LIMCH1: variants seen among roughly 807,000 people sequenced by gnomAD.
The protein encoded by LIMCH1 is LIM and calponin homology domains 1.
A neutral mutation model predicts 176.5 loss-of-function variants in LIMCH1; 113 were observed. The observed-to-expected ratio is 0.64, with a 90% CI of 0.55 to 0.75. The LOEUF (loss-of-function observed/expected upper bound fraction) is 0.75. LIMCH1 is among the 30% of genes least tolerant of loss of function. The pLI, the probability that LIMCH1 is intolerant of heterozygous loss-of-function variation, is 0.00. For synonymous variants in LIMCH1, 619 were observed against 645.9 expected (o/e 0.96, Z 0.63); for missense variants, 1,674 against 1,814.9 (o/e 0.92, Z 1.41).
At chr4:41,548,453 A>G (rs2079907475) in intron 1 of LIMCH1, among the ~76,000 whole-genome samples, 1 of 151,990 alleles carries the variant, frequency 6.6e-6, no homozygotes, top group African/African-American at 2.4e-5. Context: ...TACTAAACTA[A>G]TCTCTTTAGT....
intron 2 of LIMCH1, among the ~76,000 whole-genome samples, chr4:41,512,402 T>C (rs1215600554): frequency 6.6e-6 from 1 of 152,186 alleles, no homozygotes; most frequent in African/African-American, 2.4e-5. Context: ...TACTCCTAAG[T>C]ACATACCCAA....
At chr4:41,545,361 C>T (rs1193365659) in intron 1 of LIMCH1, among the ~76,000 whole-genome samples, 1 of 152,126 alleles carries the variant, frequency 6.6e-6, no homozygotes, top group Non-Finnish European at 1.5e-5. Context: ...TCTTTGAGTT[C>T]TGGATCTCCT....
At chr4:41,420,651 G>A (rs2060529551) in intron 1 of LIMCH1, among the ~76,000 whole-genome samples, 1 of 152,200 alleles carries the variant, frequency 6.6e-6, no homozygotes, top group Non-Finnish European at 1.5e-5. Flanking sequence ...GTGAGATGCA[G>A]GGACCTCTGA....
chr4:41,396,734 C>G (rs1291270894), intron 1 of LIMCH1, among the ~76,000 whole-genome samples: 3 of 151,904 alleles, frequency 2.0e-5, no homozygotes, highest in African/African-American at 7.3e-5. Context: ...AACCCTGTCC[C>G]TACTAAAAAT....
chr4:41,522,752 C>A (rs2076245606), intron 2 of LIMCH1, among the ~76,000 whole-genome samples: 1 of 152,084 alleles, frequency 6.6e-6, no homozygotes, highest in South Asian at 2.1e-4. Context: ...CTGGGGAAGT[C>A]ACTCAGACTT....
intron 7 of LIMCH1, among the ~76,000 whole-genome samples, chr4:41,622,838 G>A (rs1252640439): frequency 6.6e-6 from 1 of 152,198 alleles, no homozygotes; most frequent in African/African-American, 2.4e-5. Flanking sequence ...TTGCAGGTCA[G>A]TTAATGTCAT....
chr4:41,371,965 T>A (rs76258191), intron 1 of LIMCH1, among the ~76,000 whole-genome samples: 7,673 of 152,304 alleles, frequency 0.05, 648 homozygotes, highest in African/African-American at 0.17. Context: ...GTGAGATTTT[T>A]ATTAACACTT....
intron 1 of LIMCH1, among the ~76,000 whole-genome samples, chr4:41,456,593 G>T (rs2064635944): frequency 6.6e-6 from 1 of 151,934 alleles, no homozygotes; most frequent in Admixed American, 6.5e-5. Context: ...ATGGGCTGCT[G>T]CTTTATAACA....
intron 1 of LIMCH1, among the ~76,000 whole-genome samples, chr4:41,561,630 C>G (rs2082078556): frequency 6.6e-6 from 1 of 152,116 alleles, no homozygotes; most frequent in South Asian, 2.1e-4. Flanking sequence ...CTTTAAGTCT[C>G]TCTTGCTCTT....
rs552488595 is a variant in LIMCH1, at chr4:41,429,478, G to T, written c.97-65058G>T. ...TTGAGAGGTGCTGGCGACAACAATG[G>T]CATTTGGCAGCATGATGCTCTGTTC... On this transcript the variant is annotated intron_variant, in intron 1 of 26. Coordinates refer to the LIMCH1 transcript ENST00000313860. 5.7e-4 allele frequency among the ~76,000 whole-genome samples: 87 copies of T among 152,232 alleles called. 1 individual carries two copies. The highest frequency in any genetic ancestry group is 2.0e-3 in the African/African-American group (84 of 41,538).
intron 1 of LIMCH1, among the ~76,000 whole-genome samples, chr4:41,590,005 A>C (rs7439195): frequency 1.5e-3 from 225 of 152,172 alleles, no homozygotes; most frequent in African/African-American, 5.0e-3. Flanking sequence ...CTATCCCCAC[A>C]TCCACTCAAT....
intron 21 of LIMCH1, chr4:41,670,799 T>G: frequency 6.5e-7 from 1 of 1,535,890 alleles, no homozygotes; most frequent in Admixed American, 2.0e-5. Context: ...TCAGGTAAAC[T>G]GCATACTGGG....
At chr4:41,650,690 A>T (rs556503143) in intron 18 of LIMCH1, 82 bp downstream of exon 18, 6 of 1,158,342 alleles carry the variant, frequency 5.2e-6, no homozygotes, top group East Asian at 5.1e-5. Context: ...GTAGGTCATG[A>T]TAATGACCAT....
chr4:41,563,972 G>A lies in LIMCH1; in HGVS notation c.-241+25622G>A, dbSNP rs551222012. 2.0e-4 allele frequency among the ~76,000 whole-genome samples: 30 copies of A among 152,202 alleles called. No individual in the cohort carries two copies. The South Asian group carries it at 2.9e-3, about 15-fold the overall frequency. ...TCTCCATCCTAGAGCAGGAGGATCCGTGGAACTGTGTTCCCCCTCTCTGTT... is the reference window on the plus strand; with the variant it reads ...TCTCCATCCTAGAGCAGGAGGATCCATGGAACTGTGTTCCCCCTCTCTGTT... On this transcript the variant is annotated intron_variant, in intron 1 of 31. Coordinates refer to ENST00000503057, the MANE Select transcript of LIMCH1 (RefSeq NM_001330672.2).
intron 7 of LIMCH1, among the ~76,000 whole-genome samples, chr4:41,625,128 T>C (rs2092857261): frequency 6.6e-6 from 1 of 152,180 alleles, no homozygotes; most frequent in Admixed American, 6.5e-5. Context: ...GAGTATACTT[T>C]AATTAATTTA....
chr4:41,384,779 AG>A (rs1355485995), intron 1 of LIMCH1, among the ~76,000 whole-genome samples: 1 of 152,182 alleles, frequency 6.6e-6, no homozygotes, highest in Non-Finnish European at 1.5e-5. Context: ...TTATTCTGTA[AG>A]TACAGCGTTG....
intron 31 of LIMCH1, among the ~76,000 whole-genome samples, chr4:41,693,574 T>C (rs1728045665): frequency 6.7e-6 from 1 of 150,078 alleles, no homozygotes; most frequent in South Asian, 2.1e-4. Context: ...ATTATATAAA[T>C]AGTATACCAT....
intron 1 of LIMCH1, among the ~76,000 whole-genome samples, chr4:41,555,172 G>A (rs919056165): frequency 6.6e-6 from 1 of 152,216 alleles, no homozygotes; most frequent in African/African-American, 2.4e-5. Flanking sequence ...GCAGGTTTCT[G>A]TTGAACGTTA....
At chr4:41,419,378 G>C (rs534154542) in intron 1 of LIMCH1, among the ~76,000 whole-genome samples, 76 of 151,882 alleles carry the variant, frequency 5.0e-4, no homozygotes, top group African/African-American at 1.7e-3. Flanking sequence ...GGGTTTCACT[G>C]TGTTGGCCAG....
Sources: gnomAD v4.1 joint callset for allele counts (sites outside exome capture counted in the v4.1 genomes callset) on GRCh38, gnomAD v4.1.1 for gene constraint, MANE v1.5 for transcripts, NCBI Gene and HGNC (gene_info 2026-07-23, HGNC 2026-07-21) for gene names.